ALDH18A1: variants seen among roughly 807,000 people sequenced by gnomAD.
The protein encoded by ALDH18A1 is delta-1-pyrroline-5-carboxylate synthase.
In ALDH18A1, 44 loss-of-function variants were observed where a neutral mutation model predicts 88.8. That is an observed-to-expected ratio of 0.50 (90% CI 0.39 to 0.64). The LOEUF (loss-of-function observed/expected upper bound fraction) is 0.64. Among genes scored for constraint, ALDH18A1 ranks in the 30% least tolerant of loss-of-function variants. ALDH18A1 has a pLI of 0.00. For synonymous variants in ALDH18A1, 331 were observed against 372.1 expected (o/e 0.89, Z 1.27); for missense variants, 782 against 1,009.5 (o/e 0.77, Z 3.05).
rs1406069258 is a variant in ALDH18A1, at chr10:95,626,715, C to T, written c.1140G>A (p.Leu380=). The T allele has an allele frequency of 1.2e-6, 2 of 1,613,896 alleles. No individual in the cohort carries two copies. The highest frequency in any genetic ancestry group is 1.1e-5 in the South Asian group (1 of 91,082). ...CTAAGGTTATTACCTGCTCAGGTTC[C>T]AAGGTGGCCAACATCCTTCCTCCAG... ...ARSGGRMLAT[L]EPEQRAEIIH... Residue 380 remains leucine, a synonymous_variant, in exon 10 of 18, where the codon TTG becomes TTA. Transcript: ENST00000371224.
chr10:95,621,901 T>C (rs981918915), intron 11 of ALDH18A1, among the ~76,000 whole-genome samples: 1 of 152,200 alleles, frequency 6.6e-6, no homozygotes, highest in African/African-American at 2.4e-5. Context: ...TATAATTCAG[T>C]TATTATAAAT....
rs190363973 is a variant in ALDH18A1, at chr10:95,621,961, G to A, written c.1247-710C>T. ...GAGAGCTGTCTAGGATATAGTCTAC[G>A]AAAAAGGCAAACTATAAAACAGCAT... On this transcript the variant is annotated intron_variant, in intron 11 of 17. Transcript: ENST00000371224. Among the ~76,000 whole-genome samples the A allele has an allele frequency of 2.1e-3, 317 of 152,078 alleles. 2 individuals are homozygous for A. Among genetic ancestry groups the A allele is most frequent in the African/African-American group, 5.6e-3 (233 of 41,458 alleles).
chr10:95,610,253 G>T lies in ALDH18A1; in HGVS notation c.2150C>A (p.Ala717Asp). The T allele has an allele frequency of 6.2e-7, 1 of 1,614,090 alleles. No homozygotes were observed. Among genetic ancestry groups the T allele is most frequent in the Non-Finnish European group, 8.5e-7 (1 of 1,179,960 alleles). ...AEFFLQHVDSACVFWNASTRF... is the reference protein window; with the variant it reads ...AEFFLQHVDSDCVFWNASTRF... ...AGTGCTGGCATTCCAGAACACACAGGCACTGTCTACGTGCTGCAGGAAGAA... is the reference window on the plus strand; with the variant it reads ...AGTGCTGGCATTCCAGAACACACAGTCACTGTCTACGTGCTGCAGGAAGAA... Residue 717 changes from alanine (A) to aspartate (D), a missense_variant, in exon 17 of 18, where the codon GCC becomes GAC. Ala to Asp is a moderately radical substitution (Grantham distance 126, BLOSUM62 -2). Coordinates refer to ENST00000371224, the MANE Select transcript of ALDH18A1 (RefSeq NM_002860.4).
intron 3 of ALDH18A1, among the ~76,000 whole-genome samples, chr10:95,642,574 C>T (rs2097893823): frequency 6.6e-6 from 1 of 152,156 alleles, no homozygotes; most frequent in African/African-American, 2.4e-5. Flanking sequence ...ATGATCATGC[C>T]ACAACAGTCC....
chr10:95,617,013 G>A (rs1189300982), intron 12 of ALDH18A1, among the ~76,000 whole-genome samples: 1 of 152,212 alleles, frequency 6.6e-6, no homozygotes, highest in Non-Finnish European at 1.5e-5. Flanking sequence ...TTGGGAGGCT[G>A]AGGTGGGTGG....
chr10:95,613,936 T>C (rs200514228), intron 14 of ALDH18A1, 30 bp downstream of exon 14: 474 of 1,614,080 alleles, frequency 2.9e-4, no homozygotes, highest in Non-Finnish European at 3.7e-4. Context: ...TATTTCTCCG[T>C]TGTGAAAGAG....
chr10:95,655,690 G>GTT (rs1442334112), intron 1 of ALDH18A1, among the ~76,000 whole-genome samples: 1 of 146,458 alleles, frequency 6.8e-6, no homozygotes, highest in African/African-American at 2.8e-5. Flanking sequence ...GAGTGTGTGT[G>GTT]TGTGTGTGTG....
intron 17 of ALDH18A1, among the ~76,000 whole-genome samples, chr10:95,609,177 G>T (rs555679516): frequency 1.1e-4 from 17 of 152,288 alleles, no homozygotes; most frequent in Admixed American, 3.3e-4. Context: ...GCCCGTTCTG[G>T]AGTTTTATAT....
At chr10:95,625,139 G>A (rs1032779463) in intron 11 of ALDH18A1, among the ~76,000 whole-genome samples, 2 of 152,128 alleles carry the variant, frequency 1.3e-5, no homozygotes, top group Non-Finnish European at 2.9e-5. Flanking sequence ...CACAGCTTGT[G>A]ACCTGTGGGG....
chr10:95,649,351 ATTTTTTTTTT>A (rs376825293), intron 2 of ALDH18A1, among the ~76,000 whole-genome samples: 1 of 131,090 alleles, frequency 7.6e-6, no homozygotes, highest in Non-Finnish European at 1.6e-5. Flanking sequence ...ATTTTTACAG[ATTTTTTTTTT>A]TTTTTTTTTT....
chr10:95,625,662 G>T (rs2097859306), intron 10 of ALDH18A1, among the ~76,000 whole-genome samples: 1 of 150,316 alleles, frequency 6.7e-6, no homozygotes, highest in Non-Finnish European at 1.5e-5. Flanking sequence ...CAACCTCTAG[G>T]TCACTTCTTA....
intron 2 of ALDH18A1, among the ~76,000 whole-genome samples, chr10:95,649,351 A>ATATTT: frequency 7.6e-6 from 1 of 131,086 alleles, no homozygotes; most frequent in East Asian, 2.2e-4. Context: ...ATTTTTACAG[A>ATATTT]TTTTTTTTTT....
At chr10:95,636,506 G>GT (rs1320225400) in intron 5 of ALDH18A1, among the ~76,000 whole-genome samples, 1 of 152,146 alleles carries the variant, frequency 6.6e-6, no homozygotes, top group South Asian at 2.1e-4. Context: ...CCAAAAATTC[G>GT]TAAGTCCCAT....
At chr10:95,636,040 T>C (rs2097879989) in intron 5 of ALDH18A1, among the ~76,000 whole-genome samples, 1 of 152,164 alleles carries the variant, frequency 6.6e-6, no homozygotes, top group Non-Finnish European at 1.5e-5. Context: ...TCCCCAGCCA[T>C]AGGCAATGGG....
At chr10:95,615,505 A>C (rs2097842718) in intron 13 of ALDH18A1, among the ~76,000 whole-genome samples, 2 of 152,128 alleles carry the variant, frequency 1.3e-5, no homozygotes, top group Admixed American at 6.6e-5. Context: ...GTGTGTGTGA[A>C]CAGTCGCAGA....
intron 1 of ALDH18A1, among the ~76,000 whole-genome samples, chr10:95,655,681 A>T (rs113170074): frequency 3.5e-4 from 52 of 150,278 alleles, no homozygotes; most frequent in African/African-American, 1.2e-3. Context: ...GAGCAAAGAG[A>T]GTGTGTGTGT....
chr10:95,611,587 C>T lies in ALDH18A1; in HGVS notation c.1924-145G>A, dbSNP rs112143949. ...CAACTGAACTAGTCCTACTTTCCTC[C>T]CTCCAGCATGATCTGACTGGCCACT... is the stretch of plus-strand genomic sequence containing the variant. On this transcript the variant is annotated intron_variant, in intron 15 of 17. Transcript: ENST00000371224. 527 of 877,236 alleles carry T rather than the reference C, an allele frequency of 6.0e-4. 1 individual carries two copies. The African/African-American group carries it at 7.0e-3, about 12-fold the overall frequency. The allele number at this position is 877,236 out of a possible 1,614,324, so 54.3% of individuals were successfully genotyped here. A position where few individuals can be genotyped will look rare whatever the true frequency, so the allele number is the denominator to read the frequency against.
At chr10:95,621,573 A>G (rs2097852714) in intron 11 of ALDH18A1, among the ~76,000 whole-genome samples, 1 of 152,090 alleles carries the variant, frequency 6.6e-6, no homozygotes, top group Admixed American at 6.5e-5. Context: ...CGACCTCCCA[A>G]AGTGCTGGGA....
chr10:95,631,183 A>G (rs1248945991), intron 7 of ALDH18A1, among the ~76,000 whole-genome samples: 1 of 152,182 alleles, frequency 6.6e-6, no homozygotes, highest in Non-Finnish European at 1.5e-5. Flanking sequence ...AGTGAATGGA[A>G]AGACATATTA....
Sources: gnomAD v4.1 joint callset for allele counts (sites outside exome capture counted in the v4.1 genomes callset) on GRCh38, gnomAD v4.1.1 for gene constraint, MANE v1.5 for transcripts, NCBI Gene and HGNC (gene_info 2026-07-23, HGNC 2026-07-21) for gene names.